Variants in LMO1 observed in about 807,000 individuals in gnomAD.
The protein encoded by LMO1 is LIM domain only 1, also known as rhombotin-1.
In LMO1, 10 loss-of-function variants were observed where a neutral mutation model predicts 18.0. That is an observed-to-expected ratio of 0.55 (90% CI 0.34 to 0.94). LMO1 has a LOEUF of 0.94. Ranked by LOEUF, LMO1 falls within the 40% of genes least tolerant of loss-of-function variation. The pLI is 0.02. For missense variants in LMO1, 183 were observed against 205.7 expected (o/e 0.89, Z 0.68); for synonymous variants, 77 against 77.9 (o/e 0.99, Z 0.06).
intron 1 of LMO1, among the ~76,000 whole-genome samples, chr11:8,256,522 C>T (rs1847100376): frequency 6.6e-6 from 1 of 152,240 alleles, no homozygotes; most frequent in African/African-American, 2.4e-5. Context: ...TGGGCAGCTG[C>T]CTCTGCGACC....
At chr11:8,231,548 C>T (rs1435283360) in intron 1 of LMO1, among the ~76,000 whole-genome samples, 1 of 152,196 alleles carries the variant, frequency 6.6e-6, no homozygotes, top group Non-Finnish European at 1.5e-5. Context: ...CCTCAGAAGC[C>T]CTGCTCTGTG....
At chr11:8,244,167 A>G (rs1366746024) in intron 1 of LMO1, among the ~76,000 whole-genome samples, 1 of 150,628 alleles carries the variant, frequency 6.6e-6, no homozygotes, top group African/African-American at 2.5e-5. Context: ...AATAAGGAGC[A>G]CCGGGAAAGG....
rs1847224073 is a variant in LMO1 at position 8,263,427 on chromosome 11, G to T, written c.-65C>A. 2.5e-6 allele frequency: 4 copies of T among 1,586,326 alleles called. No homozygotes were observed. The highest frequency in any genetic ancestry group is 1.7e-5 in the Admixed American group (1 of 57,962). The stretch of plus-strand genomic sequence containing the variant: ...GGAGAAGGGCGCCGACTCGGGGCGC[G>T]CTTTGGAGGGGCGGCCGGTCTTCGG... On this transcript the variant is annotated 5_prime_UTR_variant, in exon 1 of 4. Coordinates refer to ENST00000335790, the MANE Select transcript of LMO1 (RefSeq NM_002315.3).
chr11:8,238,434 G>A (rs1340181496), intron 1 of LMO1, among the ~76,000 whole-genome samples: 2 of 152,206 alleles, frequency 1.3e-5, no homozygotes, highest in South Asian at 4.1e-4. Flanking sequence ...CACTTTGGGA[G>A]GCTGAGGTAG....
chr11:8,260,337 A>G (rs1847165203), intron 1 of LMO1, among the ~76,000 whole-genome samples: 1 of 152,142 alleles, frequency 6.6e-6, no homozygotes, highest in Non-Finnish European at 1.5e-5. Flanking sequence ...TTTCTCCGGG[A>G]AAGTTGGAGC....
chr11:8,250,142 G>A (rs383710), intron 1 of LMO1, among the ~76,000 whole-genome samples: 151,344 of 152,280 alleles, frequency 0.99, 75,218 homozygotes, highest in East Asian at 1. Flanking sequence ...TTGGCTCACT[G>A]TAGATCTCAC....
chr11:8,224,592 G>A lies in LMO1; in HGVS notation c.*24C>T, dbSNP rs1237050984. On this transcript the variant is annotated 3_prime_UTR_variant, in exon 4 of 4. Coordinates refer to ENST00000335790, the MANE Select transcript of LMO1 (RefSeq NM_002315.3). The stretch of plus-strand genomic sequence containing the variant: ...GGGCAGGCGGGCAGATGGACAGACG[G>A]GCCTGGAGGCCAGGCGCCGGGCGTT... 1.1e-5 allele frequency: 16 copies of A among 1,463,762 alleles called. No individual in the cohort carries two copies. The highest frequency in any genetic ancestry group is 7.5e-5 in the Admixed American group (4 of 53,012). The allele number at this position is 1,463,762 out of a possible 1,614,324, so 90.7% of individuals were successfully genotyped here.
At chr11:8,267,552 G>A (rs1847273706), upstream of LMO1, among the ~76,000 whole-genome samples, 2 of 152,202 alleles carry the variant, frequency 1.3e-5, no homozygotes, top group African/African-American at 4.8e-5. Context: ...TCTTCCAAGA[G>A]ACTGGCAGTG....
At chr11:8,248,040 G>A (rs1280656293) in intron 1 of LMO1, among the ~76,000 whole-genome samples, 6 of 151,848 alleles carry the variant, frequency 4.0e-5, no homozygotes, top group Non-Finnish European at 7.3e-5. Flanking sequence ...CTTAACTTAC[G>A]TGACCAGGGC....
intron 1 of LMO1, among the ~76,000 whole-genome samples, chr11:8,256,566 G>A (rs1292442728): frequency 6.6e-6 from 1 of 152,174 alleles, no homozygotes; most frequent in African/African-American, 2.4e-5. Flanking sequence ...CACACCACCT[G>A]CTTTTAATTT....
intron 1 of LMO1, among the ~76,000 whole-genome samples, chr11:8,245,980 C>T (rs1176595638): frequency 6.6e-6 from 1 of 152,104 alleles, no homozygotes; most frequent in Non-Finnish European, 1.5e-5. Context: ...GGAGGTGCCA[C>T]ACTCTTTTAA....
chr11:8,255,232 C>T (rs950721413), intron 1 of LMO1, among the ~76,000 whole-genome samples: 4 of 152,098 alleles, frequency 2.6e-5, no homozygotes, highest in Non-Finnish European at 4.4e-5. Flanking sequence ...TGTGGTGGTG[C>T]GCAGTGGCAC....
At chr11:8,225,507 G>A (rs886241245) in intron 3 of LMO1, among the ~76,000 whole-genome samples, 4 of 151,052 alleles carry the variant, frequency 2.6e-5, no homozygotes, top group Non-Finnish European at 5.9e-5. Flanking sequence ...CAATTTAAGA[G>A]GATGGCTCAG....
At chr11:8,257,989 A>G (rs1590562765) in intron 1 of LMO1, among the ~76,000 whole-genome samples, 1 of 152,222 alleles carries the variant, frequency 6.6e-6, no homozygotes, top group Admixed American at 6.5e-5. Flanking sequence ...CCTGAATACA[A>G]TCCTGCCAAT....
intron 1 of LMO1, among the ~76,000 whole-genome samples, chr11:8,236,909 A>G (rs1295854535): frequency 1.3e-5 from 2 of 152,244 alleles, no homozygotes; most frequent in Non-Finnish European, 2.9e-5. Context: ...ACTTATGCAC[A>G]GATGCACACA....
chr11:8,244,629 T>C (rs1846863866), intron 1 of LMO1, among the ~76,000 whole-genome samples: 1 of 152,260 alleles, frequency 6.6e-6, no homozygotes, highest in Admixed American at 6.5e-5. Flanking sequence ...TAAATCCAAA[T>C]GTCACAATAA....
At chr11:8,262,706 CAG>C (rs1243089310) in intron 1 of LMO1, among the ~76,000 whole-genome samples, 2 of 152,206 alleles carry the variant, frequency 1.3e-5, no homozygotes, top group Middle Eastern at 3.2e-3. Context: ...CCTCCGCGCT[CAG>C]AGAGACAGGG....
chr11:8,242,206 C>T (rs1024046812), intron 1 of LMO1, among the ~76,000 whole-genome samples: 3 of 152,214 alleles, frequency 2.0e-5, no homozygotes, highest in Admixed American at 2.0e-4. Context: ...TGAGGAACAA[C>T]AGCTCTCATG....
chr11:8,253,023 T>A (rs1275451474), intron 1 of LMO1, among the ~76,000 whole-genome samples: 1 of 152,248 alleles, frequency 6.6e-6, no homozygotes, highest in Non-Finnish European at 1.5e-5. Context: ...GACAGCTCTC[T>A]GCCTGACAAC....
Sources: gnomAD v4.1 joint callset for allele counts (sites outside exome capture counted in the v4.1 genomes callset) on GRCh38, gnomAD v4.1.1 for gene constraint, MANE v1.5 for transcripts, NCBI Gene and HGNC (gene_info 2026-07-23, HGNC 2026-07-21) for gene names.